Variants in ACACB observed in about 807,000 individuals in gnomAD.
The protein encoded by ACACB is acetyl-CoA carboxylase beta.
In ACACB, 209 loss-of-function variants were observed where a neutral mutation model predicts 278.8. That is an observed-to-expected ratio of 0.75 (90% CI 0.67 to 0.84). The LOEUF (loss-of-function observed/expected upper bound fraction) is 0.84. ACACB is among the 40% of genes least tolerant of loss of function. The probability of loss-of-function intolerance (pLI) is 0.00; values close to 1 mark genes in which losing one functional copy is unlikely to be tolerated. For missense variants in ACACB, 2,850 were observed against 3,269.0 expected, an observed-to-expected ratio of 0.87 and a Z score of 3.13; for synonymous variants, 1,174 against 1,285.6, an observed-to-expected ratio of 0.91 and a Z score of 1.86.
chr12:109,156,756 G>C (rs951649203), intron 2 of ACACB, among the ~76,000 whole-genome samples: 2 of 152,094 alleles, frequency 1.3e-5, no homozygotes, highest in African/African-American at 4.8e-5. Context: ...AGCAGGAAGG[G>C]TCGCAAAAAT....
intron 1 of ACACB, among the ~76,000 whole-genome samples, chr12:109,133,843 ATATATATATATATATATATATTT>A: frequency 2.7e-5 from 1 of 36,942 alleles, no homozygotes; most frequent in Non-Finnish European, 5.2e-5. Context: ...GTGCATATAT[ATATATATATATATATATATATTT>A]TTTTTTTTTT....
intron 1 of ACACB, among the ~76,000 whole-genome samples, chr12:109,128,403 T>C (rs1258783512): frequency 2.6e-5 from 4 of 152,120 alleles, no homozygotes; most frequent in East Asian, 1.9e-4. Flanking sequence ...AATGGCACGA[T>C]CTTGGCTCAT....
At chr12:109,180,239 A>C (rs2044421679) in intron 11 of ACACB, 152 bp downstream of exon 11, 6 of 742,186 alleles carry the variant, frequency 8.1e-6, no homozygotes, top group African/African-American at 3.5e-5. Context: ...TAAAAGCTAT[A>C]GTTCTCCCTG....
In ACACB at chr12:109,188,181, CCTTCCTTCCT is replaced by C; in HGVS notation, c.2144+20_2144+29del. The C allele has an allele frequency of 1.8e-6, 1 of 544,772 alleles. No individual in the cohort carries two copies. The highest frequency in any genetic ancestry group is 2.4e-5 in the South Asian group (1 of 42,402). The allele number at this position is 544,772 out of a possible 1,614,324, so 33.7% of individuals were successfully genotyped here. The stretch of plus-strand genomic sequence containing the variant: ...CCATTTCGTCAGTATCTCCTTCCTT[CCTTCCTTCCT>C]TCCTTCCTTCCTTCCTTCCTTCCTT... On this transcript the variant is annotated intron_variant, in intron 13 of 52. Transcript: ENST00000338432.
At chr12:109,114,455 G>C (rs1308697079), upstream of ACACB, among the ~76,000 whole-genome samples, 1 of 152,080 alleles carries the variant, frequency 6.6e-6, no homozygotes, top group Admixed American at 6.5e-5. Flanking sequence ...AATTGGTGGG[G>C]GAAGGCATGT....
At chr12:109,191,534 C>T in intron 13 of ACACB, 79 bp from the exon 14 acceptor site, 1 of 1,568,606 alleles carries the variant, frequency 6.4e-7, no homozygotes, top group Non-Finnish European at 8.7e-7. Flanking sequence ...TTTTCCAGTT[C>T]TCTGAATCAC....
At position 109,199,450 on chromosome 12, in the gene ACACB, C is replaced by A; in HGVS notation, c.2676C>A (p.Asn892Lys). 3.2e-6 allele frequency: 5 copies of A among 1,547,546 alleles called. No individual in the cohort carries two copies. The highest frequency in any genetic ancestry group is 1.4e-5 in the African/African-American group (1 of 71,750). ...GNKTCVFEKE[N>K]DPTVLRSPSA... ...AGACGTGTGTGTTTGAGAAGGAGAA[C>A]GATCCTACAGTCCTGAGATCCCCCT... The change falls in exon 18 of 53, where the codon AAC becomes AAA. Residue 892 changes from asparagine (N) to lysine (K), a missense_variant. This residue lies in a region of ACACB where 2,265 missense variants were observed against 2,561.3 expected (regional missense o/e 0.88). Transcript: ENST00000338432.
chr12:109,262,261 T>C (rs2136846787), intron 48 of ACACB, 96 bp from the exon 49 acceptor site: 2 of 920,004 alleles, frequency 2.2e-6, no homozygotes, highest in Non-Finnish European at 3.4e-6. Flanking sequence ...ACCCAGATCT[T>C]CTGGCTCTCT....
rs1482687477 is a variant in ACACB, at chr12:109,188,028, G to A, written c.2010G>A (p.Gln670=). The change falls in exon 13 of 53, where the codon CAG becomes CAA. Residue 670 remains glutamine (Q), a synonymous_variant. Coordinates refer to ENST00000338432, the MANE Select transcript of ACACB (RefSeq NM_001093.4). ...TTAAGCCGAGCTCCGGGACTGTCCA[G>A]GAACTGAATTTCCGGAGCAGCAAGA... ...EGFKPSSGTV[Q]ELNFRSSKNV... is the part of the protein sequence containing the mutation. 1.2e-6 allele frequency: 2 copies of A among 1,612,694 alleles called. No individual in the cohort carries two copies. Among genetic ancestry groups the A allele is most frequent in the South Asian group, 2.2e-5 (2 of 91,046 alleles).
intron 48 of ACACB, 68 bp from the exon 49 acceptor site, chr12:109,262,289 A>G: frequency 7.9e-7 from 1 of 1,267,470 alleles, no homozygotes; most frequent in Non-Finnish European, 1.1e-6. Context: ...AGCTCCCCCC[A>G]CATCCATTAG....
chr12:109,115,975 C>T (rs73195473), upstream of ACACB, among the ~76,000 whole-genome samples: 2,057 of 152,346 alleles, frequency 0.014, 21 homozygotes, highest in Non-Finnish European at 0.02. Flanking sequence ...GCCTTGGAGG[C>T]GACCTTTGTC....
At chr12:109,156,344 A>G (rs918615105) in intron 2 of ACACB, among the ~76,000 whole-genome samples, 5 of 152,142 alleles carry the variant, frequency 3.3e-5, no homozygotes, top group African/African-American at 1.2e-4. Flanking sequence ...AGCTTGGGCA[A>G]CATAGTGAGA....
At chr12:109,245,924 A>G (rs2046929244) in intron 38 of ACACB, among the ~76,000 whole-genome samples, 176 bp downstream of exon 38, 1 of 152,100 alleles carries the variant, frequency 6.6e-6, no homozygotes, top group Non-Finnish European at 1.5e-5. Context: ...ACCTGTCTCT[A>G]CATAAAATTT....
At chr12:109,174,368 C>A in intron 7 of ACACB, 138 bp downstream of exon 7, 3 of 652,090 alleles carry the variant, frequency 4.6e-6, no homozygotes, top group East Asian at 3.2e-5. Flanking sequence ...TAGTCATTAG[C>A]AAAATATTTT....
Position 109,241,189 on chromosome 12 carries a change from G to A in ACACB, c.4930G>A (p.Ala1644Thr), listed in dbSNP as rs372735105. The A allele has an allele frequency of 6.8e-6, 11 of 1,614,112 alleles. No homozygotes were observed. Among genetic ancestry groups the A allele is most frequent in the African/African-American group, 2.7e-5 (2 of 74,942 alleles). The change falls in exon 36 of 53, where the codon GCC becomes ACC. Residue 1644 changes from alanine (A) to threonine (T), a missense_variant. By Grantham distance (58) the Ala-to-Thr change is moderately conservative. Transcript: ENST00000338432. ...INIRQTTTGSAVPIRLFITNE... is the reference protein window; with the variant it reads ...INIRQTTTGSTVPIRLFITNE... ...CATCCGCCAGACCACCACCGGCAGTGCCGTTCCCATCCGCCTGTTCATCAC... is the reference window on the plus strand; with the variant it reads ...CATCCGCCAGACCACCACCGGCAGTACCGTTCCCATCCGCCTGTTCATCAC...
chr12:109,120,742 C>G (rs969986554), intron 1 of ACACB, among the ~76,000 whole-genome samples: 1 of 152,166 alleles, frequency 6.6e-6, no homozygotes, highest in Non-Finnish European at 1.5e-5. Flanking sequence ...CACCCACACA[C>G]GTGTGCCACA....
At chr12:109,184,491 G>A (rs149261580) in intron 11 of ACACB, among the ~76,000 whole-genome samples, 7 of 152,232 alleles carry the variant, frequency 4.6e-5, no homozygotes, top group African/African-American at 1.4e-4. Context: ...GAGAAATAGA[G>A]CATTGATACC....
At chr12:109,210,312 CACAT>C (rs1250796705) in intron 21 of ACACB, among the ~76,000 whole-genome samples, 2 of 87,704 alleles carry the variant, frequency 2.3e-5, no homozygotes, top group African/African-American at 4.4e-5. Flanking sequence ...TATATACACA[CACAT>C]ATCTGTGTAT....
chr12:109,246,565 TGTAC>T (rs2046952756), intron 39 of ACACB, 117 bp downstream of exon 39: 3 of 1,260,820 alleles, frequency 2.4e-6, no homozygotes, highest in Non-Finnish European at 3.3e-6. Flanking sequence ...AAAGCACAGA[TGTAC>T]ATGTAGTGTA....
Sources: allele counts gnomAD v4.1 joint callset (sites outside exome capture counted in the v4.1 genomes callset), GRCh38; gene constraint gnomAD v4.1.1; regional missense constraint gnomAD v4.1.1; transcripts MANE v1.5; gene names NCBI Gene and HGNC (gene_info 2026-07-23, HGNC 2026-07-21).